Variants in RHOBTB3 observed in about 807,000 individuals in gnomAD.
RHOBTB3 encodes Rho related BTB domain containing 3.
RHOBTB3 carries 47 observed loss-of-function variants against 67.2 expected under a neutral mutation model. That is an observed-to-expected ratio of 0.70 (90% CI 0.55 to 0.89). The LOEUF is 0.89. RHOBTB3 is among the 40% of genes least tolerant of loss of function. The probability of loss-of-function intolerance (pLI) is 0.00; values close to 1 mark genes in which losing one functional copy is unlikely to be tolerated. For missense variants in RHOBTB3, 631 were observed against 750.0 expected (o/e 0.84, Z 1.85); for synonymous variants, 273 against 274.2 (o/e 1.00, Z 0.04).
At chr5:95,766,021 C>T (rs963435195) in intron 7 of RHOBTB3, among the ~76,000 whole-genome samples, 9 of 152,120 alleles carry the variant, frequency 5.9e-5, no homozygotes, top group East Asian at 3.9e-4. Flanking sequence ...CTCCCATGCC[C>T]GAATTCCTTC....
At chr5:95,778,066 G>A (rs1190023167) in intron 8 of RHOBTB3, among the ~76,000 whole-genome samples, 2 of 151,818 alleles carry the variant, frequency 1.3e-5, no homozygotes, top group Non-Finnish European at 2.9e-5. Flanking sequence ...GTTGTGGTGA[G>A]TGAGACTGTG....
intron 6 of RHOBTB3, among the ~76,000 whole-genome samples, chr5:95,757,473 T>C (rs1421726410): frequency 6.6e-6 from 1 of 152,210 alleles, no homozygotes; most frequent in Non-Finnish European, 1.5e-5. Flanking sequence ...TAAAGCCTAA[T>C]TGGGAACAGA....
At chr5:95,720,358 G>C (rs1754832911) in intron 1 of RHOBTB3, among the ~76,000 whole-genome samples, 1 of 152,160 alleles carries the variant, frequency 6.6e-6, no homozygotes, top group Non-Finnish European at 1.5e-5. Context: ...AAATATTTGA[G>C]ATTATGATGG....
chr5:95,786,523 G>A (rs1746228971), intron 10 of RHOBTB3, among the ~76,000 whole-genome samples: 1 of 152,136 alleles, frequency 6.6e-6, no homozygotes, highest in Non-Finnish European at 1.5e-5. Context: ...GAGTTGAGGT[G>A]GAGATTCCGT....
intron 8 of RHOBTB3, among the ~76,000 whole-genome samples, chr5:95,776,698 G>T (rs781394696): frequency 6.6e-6 from 1 of 152,156 alleles, no homozygotes; most frequent in Non-Finnish European, 1.5e-5. Flanking sequence ...TCTTTGCTTG[G>T]ATGCATACTT....
At chr5:95,775,595 A>G (rs1561453387) in intron 8 of RHOBTB3, among the ~76,000 whole-genome samples, 1 of 151,994 alleles carries the variant, frequency 6.6e-6, no homozygotes, top group Non-Finnish European at 1.5e-5. Flanking sequence ...TGCTTTTTAG[A>G]TCATGTTAAT....
rs1315490253 is a variant in RHOBTB3 at position 95,731,566 on chromosome 5, G to A, written c.-117G>A. The A allele has an allele frequency of 2.0e-6, 3 of 1,497,534 alleles. No individual in the cohort carries two copies. The East Asian group carries it at 8.1e-5, about 41-fold the overall frequency. The allele number at this position is 1,497,534 out of a possible 1,614,324, so 92.8% of individuals were successfully genotyped here. A position where few individuals can be genotyped will look rare whatever the true frequency, so the allele number is the denominator to read the frequency against. On this transcript the variant is annotated 5_prime_UTR_variant, in exon 1 of 12. Coordinates refer to ENST00000379982, the MANE Select transcript of RHOBTB3 (RefSeq NM_014899.4). The stretch of plus-strand genomic sequence containing the variant: ...CGGCCCCGCCGCGGTGGAGGCGCGC[G>A]AGGGGGACGCGGCCGGGGATGAGCG...
rs375671391 is a variant in RHOBTB3, at chr5:95,785,579, G to C, written c.1623+1616G>C. Among the ~76,000 whole-genome samples the C allele has an allele frequency of 6.1e-3, 914 of 150,734 alleles. 11 individuals are homozygous for C. The highest frequency in any genetic ancestry group is 0.02 in the African/African-American group (834 of 40,864). On this transcript the variant is annotated intron_variant, in intron 10 of 11. Coordinates refer to ENST00000379982, the MANE Select transcript of RHOBTB3 (RefSeq NM_014899.4). ...ACTGCACTCCAGCCTGGGTGACAGA[G>C]TGAGACTCCGTCTCAAAAAAAAAAA...
intron 7 of RHOBTB3, among the ~76,000 whole-genome samples, chr5:95,765,754 C>T (rs899630440): frequency 6.6e-5 from 10 of 152,196 alleles, no homozygotes; most frequent in Non-Finnish European, 1.3e-4. Context: ...CTCCGCCTCC[C>T]GGGTTCATGC....
chr5:95,770,241 C>A, intron 8 of RHOBTB3: 1 of 296,884 alleles, frequency 3.4e-6, no homozygotes, highest in South Asian at 4.3e-5. Context: ...CAAGTGATGT[C>A]AAAACTAATG....
At chr5:95,752,125 G>A (rs993965754) in intron 4 of RHOBTB3, 114 bp from the exon 5 acceptor site, 93 of 640,770 alleles carry the variant, frequency 1.5e-4, no homozygotes, top group South Asian at 5.3e-4. Context: ...TAATGCATAC[G>A]TATAAATGGT....
intron 9 of RHOBTB3, among the ~76,000 whole-genome samples, chr5:95,780,722 G>A (rs1048992955): frequency 9.9e-5 from 15 of 152,138 alleles, no homozygotes; most frequent in African/African-American, 3.1e-4. Flanking sequence ...GGTGTCTTGT[G>A]GTACCCATGG....
chr5:95,732,649 A>G (rs781683551), intron 2 of RHOBTB3: 37 of 154,080 alleles, frequency 2.4e-4, no homozygotes, highest in Non-Finnish European at 2.0e-4. Context: ...AATACTCTTT[A>G]TGTGTTAGCC....
intron 6 of RHOBTB3, among the ~76,000 whole-genome samples, chr5:95,762,456 G>C (rs1189689180): frequency 6.6e-6 from 1 of 152,146 alleles, no homozygotes; most frequent in Non-Finnish European, 1.5e-5. Flanking sequence ...CTGAATACAG[G>C]AATGAAAACA....
rs542447547 is a variant in RHOBTB3 at position 95,735,800 on chromosome 5, T to TA, written c.229-1088dup. 1.1e-4 allele frequency among the ~76,000 whole-genome samples: 16 copies of TA among 152,324 alleles called. No homozygotes were observed. The East Asian group carries it at 3.1e-3, about 29-fold the overall frequency. Reference sequence around the variant, plus strand: ...TATTCATACAGAAACTGAAAAATTATATGTAAAATATCAACCCAGGCCAGG... The same window carrying TA: ...TATTCATACAGAAACTGAAAAATTATAATGTAAAATATCAACCCAGGCCAGG... On this transcript the variant is annotated intron_variant, in intron 2 of 11. Transcript: ENST00000379982.
chr5:95,729,010 A>G (rs1287363062), upstream of RHOBTB3, among the ~76,000 whole-genome samples: 2 of 152,246 alleles, frequency 1.3e-5, no homozygotes, highest in African/African-American at 2.4e-5. Context: ...TGGTCTAAAA[A>G]GCAGAGGAAC....
At chr5:95,788,459 A>G (rs1288629902) in intron 10 of RHOBTB3, among the ~76,000 whole-genome samples, 1 of 152,226 alleles carries the variant, frequency 6.6e-6, no homozygotes, top group African/African-American at 2.4e-5. Flanking sequence ...TAAAAGCTCA[A>G]ATTAAATCTT....
chr5:95,751,607 G>T (rs909611398), intron 4 of RHOBTB3: 2 of 151,992 alleles, frequency 1.3e-5, no homozygotes, highest in African/African-American at 4.8e-5. Context: ...TGTCACAGGG[G>T]TTTAGTGTTC....
chr5:95,776,279 C>T (rs750564975), intron 8 of RHOBTB3, among the ~76,000 whole-genome samples: 4 of 151,872 alleles, frequency 2.6e-5, no homozygotes, highest in East Asian at 1.9e-4. Flanking sequence ...AGGTGGCAGA[C>T]GCCTATAATC....
Sources: gnomAD v4.1 joint callset for allele counts (sites outside exome capture counted in the v4.1 genomes callset) on GRCh38, gnomAD v4.1.1 for gene constraint, MANE v1.5 for transcripts, NCBI Gene and HGNC (gene_info 2026-07-23, HGNC 2026-07-21) for gene names.